Variants in GPHN observed in about 807,000 individuals in gnomAD.
GPHN encodes the protein gephyrin.
GPHN carries 17 observed loss-of-function variants against 95.5 expected under a neutral mutation model. The ratio of observed to expected loss-of-function variants is 0.18; its 90% CI spans 0.12 to 0.27. The LOEUF is 0.27. Among genes scored for constraint, GPHN ranks in the 10% least tolerant of loss-of-function variants. The probability of loss-of-function intolerance (pLI) is 1.00; values close to 1 mark genes in which losing one functional copy is unlikely to be tolerated. For synonymous variants in GPHN, 320 were observed against 322.5 expected (o/e 0.99, Z 0.08); for missense variants, 660 against 978.1 (o/e 0.67, Z 4.34).
chr14:67,242,669 G>A, the GPHN span, among the ~76,000 whole-genome samples: 1 of 151,420 alleles, frequency 6.6e-6, no homozygotes, highest in Admixed American at 6.6e-5. Flanking sequence ...AGCTATTGTG[G>A]ATAGGTTTTA....
chr14:67,442,758 G>A, the GPHN span, among the ~76,000 whole-genome samples: 6 of 152,248 alleles, frequency 3.9e-5, no homozygotes, highest in African/African-American at 1.4e-4. Flanking sequence ...TACAAGTGCT[G>A]TGGGAAGACA....
At chr14:67,338,880 T>A in the GPHN span, 1 of 764,802 alleles carries the variant, frequency 1.3e-6, no homozygotes, top group Non-Finnish European at 1.9e-6. Flanking sequence ...AACCTGGTAC[T>A]TTTATTAATT....
the GPHN span, among the ~76,000 whole-genome samples, chr14:67,216,456 T>G: frequency 0.02 from 2,995 of 152,226 alleles, 40 homozygotes; most frequent in Middle Eastern, 0.034. Flanking sequence ...GTTTGGATTA[T>G]TCATGCTTTT....
chr14:67,645,635 C>A, the GPHN span: 5 of 1,611,502 alleles, frequency 3.1e-6, no homozygotes, highest in Non-Finnish European at 4.2e-6. Context: ...TATACTTGTT[C>A]TTTGCAGCCT....
At chr14:67,282,113 T>G in the GPHN span, among the ~76,000 whole-genome samples, 1 of 152,186 alleles carries the variant, frequency 6.6e-6, no homozygotes, top group Non-Finnish European at 1.5e-5. Context: ...CATGAGAAAT[T>G]AGCATAAGGT....
At chr14:67,170,414 A>G (rs546995262) in intron 21 of GPHN, among the ~76,000 whole-genome samples, 1 of 152,356 alleles carries the variant, frequency 6.6e-6, no homozygotes, top group African/African-American at 2.4e-5. Flanking sequence ...TGAATTTACT[A>G]TCTTCATATT....
intron 1 of GPHN, among the ~76,000 whole-genome samples, chr14:66,644,747 T>C (rs375133424): frequency 1.3e-5 from 2 of 152,128 alleles, no homozygotes; most frequent in Non-Finnish European, 2.9e-5. Flanking sequence ...GTCTTTGTCC[T>C]TAACCACTGT....
the GPHN span, among the ~76,000 whole-genome samples, chr14:67,618,144 A>G: frequency 6.6e-6 from 1 of 152,214 alleles, no homozygotes; most frequent in Admixed American, 6.5e-5. Flanking sequence ...ATACAAAAGT[A>G]TCAACATAAT....
the GPHN span, among the ~76,000 whole-genome samples, chr14:67,448,120 CTTTTTTTTTTTTTTTTTT>C: frequency 1.3e-3 from 48 of 36,078 alleles, no homozygotes; most frequent in African/African-American, 3.7e-3. Flanking sequence ...ATAGCCCATT[CTTTTTTTTTTTTTTTTTT>C]TTTTTTTTTT....
chr14:67,116,673 A>G (rs1168429057), intron 16 of GPHN, among the ~76,000 whole-genome samples: 1 of 152,216 alleles, frequency 6.6e-6, no homozygotes, highest in Non-Finnish European at 1.5e-5. Context: ...TTATGCTACC[A>G]TAGCCACTTC....
the GPHN span, chr14:67,541,761 C>T: frequency 9.6e-7 from 1 of 1,046,214 alleles, no homozygotes; most frequent in South Asian, 1.7e-5. Context: ...TTGGTCCCCT[C>T]CCGTTCTTTC....
the GPHN span, chr14:67,586,363 T>C: frequency 7.1e-7 from 1 of 1,412,548 alleles, no homozygotes; most frequent in Non-Finnish European, 9.4e-7. Context: ...TTTTATTCTC[T>C]CAAGCCCCAG....
At chr14:66,637,152 T>C (rs2064143739) in intron 1 of GPHN, among the ~76,000 whole-genome samples, 2 of 152,112 alleles carry the variant, frequency 1.3e-5, no homozygotes, top group South Asian at 4.1e-4. Context: ...AATTCATTGG[T>C]TATTGATATT....
At chr14:67,686,507 C>T in the GPHN span, among the ~76,000 whole-genome samples, 2 of 151,988 alleles carry the variant, frequency 1.3e-5, no homozygotes, top group African/African-American at 2.4e-5. Flanking sequence ...GGCATGGTGG[C>T]GTGCACCTGT....
intron 1 of GPHN, among the ~76,000 whole-genome samples, chr14:66,612,375 T>C (rs2062820292): frequency 2.0e-5 from 3 of 152,056 alleles, no homozygotes; most frequent in Admixed American, 2.0e-4. Flanking sequence ...TCCCACATAG[T>C]TGCTCTGCAT....
chr14:67,663,880 T>G, the GPHN span, among the ~76,000 whole-genome samples: 1 of 152,078 alleles, frequency 6.6e-6, no homozygotes, highest in Non-Finnish European at 1.5e-5. Flanking sequence ...CTTAGATAAT[T>G]TCCTTCATTT....
chr14:67,368,792 G>A, the GPHN span, among the ~76,000 whole-genome samples: 1 of 152,194 alleles, frequency 6.6e-6, no homozygotes, highest in Non-Finnish European at 1.5e-5. Flanking sequence ...GGAGGCTGAG[G>A]TGGGAGAGTC....
At chr14:66,919,213 C>T (rs1428909649) in intron 6 of GPHN, among the ~76,000 whole-genome samples, 1 of 152,136 alleles carries the variant, frequency 6.6e-6, no homozygotes, top group Non-Finnish European at 1.5e-5. Flanking sequence ...CTGGTTCTCA[C>T]CTCGGTTGTT....
At chr14:67,109,699 G>A (rs1406575128) in intron 13 of GPHN, among the ~76,000 whole-genome samples, 3 of 152,086 alleles carry the variant, frequency 2.0e-5, no homozygotes, top group East Asian at 3.8e-4. Context: ...AGTTAATAAA[G>A]TACTGCATTT....
Sources: gnomAD v4.1 joint callset for allele counts (sites outside exome capture counted in the v4.1 genomes callset) on GRCh38, gnomAD v4.1.1 for gene constraint, MANE v1.5 for transcripts, NCBI Gene and HGNC (gene_info 2026-07-23, HGNC 2026-07-21) for gene names.